ASXL2: variants seen among roughly 807,000 people sequenced by gnomAD.
The protein encoded by ASXL2 is putative Polycomb group protein ASXL2.
A neutral mutation model predicts 122.0 loss-of-function variants in ASXL2; 23 were observed. That is an observed-to-expected ratio of 0.19 (90% confidence interval 0.14 to 0.27). The LOEUF (loss-of-function observed/expected upper bound fraction) is 0.27, where lower values mean the gene tolerates loss of function less well. Among genes scored for constraint, ASXL2 ranks in the 10% least tolerant of loss-of-function variants. The pLI is 1.00. For missense variants in ASXL2, 1,518 were observed against 1,713.8 expected (o/e 0.89, Z 2.02); for synonymous variants, 650 against 637.0 (o/e 1.02, Z -0.31).
At chr2:25,761,459 G>T (rs1308098206) in intron 8 of ASXL2, among the ~76,000 whole-genome samples, 1 of 152,142 alleles carries the variant, frequency 6.6e-6, no homozygotes, top group Non-Finnish European at 1.5e-5. Context: ...CAGATCACAA[G>T]GTCAGGAGAT....
At chr2:25,769,997 A>C (rs964546276) in intron 6 of ASXL2, among the ~76,000 whole-genome samples, 15 of 152,212 alleles carry the variant, frequency 9.9e-5, no homozygotes, top group Non-Finnish European at 1.8e-4. Context: ...AGTACATAAA[A>C]TGGCAGTATT....
At chr2:25,860,485 G>A (rs985115027) in intron 1 of ASXL2, among the ~76,000 whole-genome samples, 2 of 152,122 alleles carry the variant, frequency 1.3e-5, no homozygotes, top group African/African-American at 4.8e-5. Flanking sequence ...GGAAGCCAAG[G>A]CAGGTGGATA....
intron 1 of ASXL2, among the ~76,000 whole-genome samples, chr2:25,858,230 A>G (rs1338208114): frequency 6.6e-6 from 1 of 152,184 alleles, no homozygotes; most frequent in Non-Finnish European, 1.5e-5. Flanking sequence ...ATTCTTTTAA[A>G]TTGATAATAT....
At chr2:25,827,613 T>C (rs1054992943) in intron 3 of ASXL2, among the ~76,000 whole-genome samples, 7 of 152,222 alleles carry the variant, frequency 4.6e-5, no homozygotes, top group Non-Finnish European at 1.0e-4. Context: ...ATTTAAAAAG[T>C]AAACATTTGA....
At chr2:25,818,313 A>G (rs376562907) in intron 3 of ASXL2, among the ~76,000 whole-genome samples, 21 of 152,358 alleles carry the variant, frequency 1.4e-4, no homozygotes, top group African/African-American at 4.3e-4. Flanking sequence ...GATCGAGATC[A>G]GCCTGGCCAA....
At chr2:25,779,002 T>C (rs1186747093) in intron 5 of ASXL2, among the ~76,000 whole-genome samples, 2 of 151,876 alleles carry the variant, frequency 1.3e-5, no homozygotes, top group African/African-American at 2.4e-5. Flanking sequence ...AGAAAAGAAG[T>C]CATCATTTAG....
chr2:25,853,484 CCA>C (rs1384824859), intron 1 of ASXL2, among the ~76,000 whole-genome samples: 17 of 152,156 alleles, frequency 1.1e-4, no homozygotes, highest in Admixed American at 1.0e-3. Context: ...TCCTCATTCT[CCA>C]CAGTCTTTTA....
chr2:25,828,027 A>C (rs2089399222), intron 3 of ASXL2, among the ~76,000 whole-genome samples: 1 of 152,180 alleles, frequency 6.6e-6, no homozygotes, highest in African/African-American at 2.4e-5. Flanking sequence ...AAGTGGGCAA[A>C]ACAGTTTCAA....
chr2:25,793,963 T>A (rs542468503), intron 5 of ASXL2, among the ~76,000 whole-genome samples: 1 of 152,232 alleles, frequency 6.6e-6, no homozygotes, highest in South Asian at 2.1e-4. Flanking sequence ...CCACCAATAA[T>A]AACCTCAGAG....
At chr2:25,761,613 C>T (rs1166861202) in intron 8 of ASXL2, among the ~76,000 whole-genome samples, 1 of 142,066 alleles carries the variant, frequency 7.0e-6, no homozygotes, top group Admixed American at 7.5e-5. Flanking sequence ...GCGGAGCTTG[C>T]AGTGAGCCGA....
At chr2:25,772,911 A>G (rs138944470) in intron 5 of ASXL2, among the ~76,000 whole-genome samples, 1 of 152,240 alleles carries the variant, frequency 6.6e-6, no homozygotes, top group African/African-American at 2.4e-5. Context: ...GCATCAAACA[A>G]TTAAGATGAT....
intron 3 of ASXL2, chr2:25,809,839 G>A: frequency 2.2e-6 from 1 of 456,392 alleles, no homozygotes; most frequent in Non-Finnish European, 4.3e-6. Context: ...CAGCCTTCCA[G>A]TTATAAAGGT....
chr2:25,795,409 G>A (rs1347408062), intron 5 of ASXL2, among the ~76,000 whole-genome samples: 4 of 151,970 alleles, frequency 2.6e-5, no homozygotes, highest in Non-Finnish European at 4.4e-5. Flanking sequence ...CTACCTATTC[G>A]GCTACTGACA....
intron 3 of ASXL2, among the ~76,000 whole-genome samples, chr2:25,813,346 A>G (rs781294551): frequency 9.2e-5 from 14 of 152,208 alleles, no homozygotes; most frequent in Non-Finnish European, 1.6e-4. Flanking sequence ...TTGGATTTTA[A>G]AAAGGTAACA....
intron 8 of ASXL2, among the ~76,000 whole-genome samples, chr2:25,760,435 CAAAAT>C (rs1259574338): frequency 6.6e-6 from 1 of 151,904 alleles, no homozygotes; most frequent in African/African-American, 2.4e-5. Context: ...ATGAAAATGG[CAAAAT>C]ATTGTAATAT....
intron 3 of ASXL2, among the ~76,000 whole-genome samples, chr2:25,819,729 C>G (rs1218585413): frequency 1.3e-5 from 2 of 152,124 alleles, no homozygotes; most frequent in Admixed American, 1.3e-4. Context: ...AAACTAAATG[C>G]AAATACAACA....
chr2:25,874,858 T>C (rs2089997964), intron 1 of ASXL2, among the ~76,000 whole-genome samples: 1 of 151,448 alleles, frequency 6.6e-6, no homozygotes, highest in Admixed American at 6.6e-5. Context: ...GGCAGGAGGA[T>C]CACTTGAGCC....
intron 5 of ASXL2, among the ~76,000 whole-genome samples, chr2:25,788,388 T>G (rs145474107): frequency 3.9e-5 from 6 of 152,322 alleles, no homozygotes; most frequent in African/African-American, 1.4e-4. Context: ...TGATGAACAT[T>G]TAGGTTATTT....
At chr2:25,761,766 C>A (rs1469440858) in intron 8 of ASXL2, among the ~76,000 whole-genome samples, 1 of 150,300 alleles carries the variant, frequency 6.7e-6, no homozygotes, top group Non-Finnish European at 1.5e-5. Flanking sequence ...AAAATGCTGA[C>A]AGAAAATAAC....
Sources: gnomAD v4.1 joint callset for allele counts (sites outside exome capture counted in the v4.1 genomes callset) on GRCh38, gnomAD v4.1.1 for gene constraint, MANE v1.5 for transcripts, NCBI Gene and HGNC (gene_info 2026-07-23, HGNC 2026-07-21) for gene names.